PTPRR: variants seen among roughly 807,000 people sequenced by gnomAD.
PTPRR encodes receptor-type tyrosine-protein phosphatase R.
In PTPRR, 38 loss-of-function variants were observed where a neutral mutation model predicts 77.2. The observed-to-expected ratio is 0.49, with a 90% confidence interval of 0.38 to 0.65. PTPRR has a LOEUF of 0.65. Among genes scored for constraint, PTPRR ranks in the 30% least tolerant of loss-of-function variants. The pLI is 0.00. For missense variants in PTPRR, 744 were observed against 799.2 expected (o/e 0.93, Z 0.83); for synonymous variants, 299 against 283.1 (o/e 1.06, Z -0.57).
At chr12:70,755,437 T>A (rs1376776459) in intron 4 of PTPRR, among the ~76,000 whole-genome samples, 1 of 152,078 alleles carries the variant, frequency 6.6e-6, no homozygotes, top group Non-Finnish European at 1.5e-5. Context: ...AGACAAAAAA[T>A]TTACCTTGAA....
At chr12:70,763,923 A>C (rs940230712) in intron 3 of PTPRR, among the ~76,000 whole-genome samples, 4 of 152,058 alleles carry the variant, frequency 2.6e-5, no homozygotes, top group Non-Finnish European at 2.9e-5. Flanking sequence ...GTTCCCAAAC[A>C]CCGAGGAAAG....
chr12:70,704,061 G>C (rs1888525648), intron 6 of PTPRR, among the ~76,000 whole-genome samples: 1 of 152,096 alleles, frequency 6.6e-6, no homozygotes, highest in Non-Finnish European at 1.5e-5. Context: ...TTTTGAAATT[G>C]GGGAGCAGGC....
At chr12:70,729,440 T>G (rs1179301811) in intron 6 of PTPRR, among the ~76,000 whole-genome samples, 1 of 152,190 alleles carries the variant, frequency 6.6e-6, no homozygotes, top group African/African-American at 2.4e-5. Context: ...ATATTTTCCA[T>G]CTGGAAAGTC....
chr12:70,874,855 G>A (rs894728294), intron 2 of PTPRR, among the ~76,000 whole-genome samples: 3 of 147,762 alleles, frequency 2.0e-5, no homozygotes, highest in Non-Finnish European at 4.4e-5. Flanking sequence ...CCAGGAGGAG[G>A]AGGTTGCAGT....
chr12:70,877,946 C>T (rs555968444), intron 2 of PTPRR, among the ~76,000 whole-genome samples: 2 of 152,206 alleles, frequency 1.3e-5, no homozygotes, highest in South Asian at 4.1e-4. Flanking sequence ...AATAATGCTG[C>T]ATATCTACAA....
At position 70,818,170 on chromosome 12, in the gene PTPRR, A is replaced by C. The variant is rs915357823; in HGVS notation, c.358-53392T>G. Among the ~76,000 whole-genome samples, 3 of 147,260 alleles carry C rather than the reference A, an allele frequency of 2.0e-5. No homozygotes were observed. The Admixed American group carries it at 2.1e-4, about 10-fold the overall frequency. Reference sequence around the variant, plus strand: ...GGCAGTTCAAGCTCTTGAAATGCAGAGGTTGCAGTGAGCCAAGATCATGCC... The same window carrying C: ...GGCAGTTCAAGCTCTTGAAATGCAGCGGTTGCAGTGAGCCAAGATCATGCC... On this transcript the variant is annotated intron_variant, in intron 2 of 13. Coordinates refer to ENST00000283228, the MANE Select transcript of PTPRR (RefSeq NM_002849.4).
At chr12:70,905,162 G>C (rs1893602466) in intron 1 of PTPRR, among the ~76,000 whole-genome samples, 1 of 151,772 alleles carries the variant, frequency 6.6e-6, no homozygotes, top group South Asian at 2.1e-4. Context: ...ATTATAGGTA[G>C]AGGGGAGGGA....
At chr12:70,764,298 G>A (rs1890761173) in intron 3 of PTPRR, among the ~76,000 whole-genome samples, 1 of 152,152 alleles carries the variant, frequency 6.6e-6, no homozygotes, top group African/African-American at 2.4e-5. Context: ...CTCTAATGGA[G>A]AATATTTTCG....
chr12:70,688,126 A>C (rs1887934735), intron 8 of PTPRR, among the ~76,000 whole-genome samples: 1 of 152,124 alleles, frequency 6.6e-6, no homozygotes, highest in African/African-American at 2.4e-5. Flanking sequence ...TGTTGTATTC[A>C]TTTTTTAAGA....
At chr12:70,812,297 T>C (rs780375891) in intron 2 of PTPRR, among the ~76,000 whole-genome samples, 7 of 152,282 alleles carry the variant, frequency 4.6e-5, no homozygotes, top group Non-Finnish European at 8.8e-5. Context: ...AATGCATGAA[T>C]CATTAACATG....
intron 2 of PTPRR, among the ~76,000 whole-genome samples, chr12:70,786,233 G>A (rs1231751969): frequency 6.6e-6 from 1 of 152,154 alleles, no homozygotes; most frequent in East Asian, 1.9e-4. Flanking sequence ...TGAAAGGACA[G>A]AGACTTCTCA....
At chr12:70,730,872 T>C (rs879665264) in intron 6 of PTPRR, among the ~76,000 whole-genome samples, 1 of 78,294 alleles carries the variant, frequency 1.3e-5, no homozygotes, top group Non-Finnish European at 2.7e-5. Flanking sequence ...AGGAAGGAGA[T>C]AGAGAAAGAG....
At chr12:70,915,275 A>G (rs1893758886) in intron 1 of PTPRR, among the ~76,000 whole-genome samples, 1 of 152,218 alleles carries the variant, frequency 6.6e-6, no homozygotes, top group Non-Finnish European at 1.5e-5. Context: ...GGATGATAGG[A>G]TGAGGACGGA....
chr12:70,644,282 G>T (rs1566038616), intron 13 of PTPRR, among the ~76,000 whole-genome samples: 1 of 152,106 alleles, frequency 6.6e-6, no homozygotes, highest in East Asian at 1.9e-4. Context: ...TTCCCAGGAG[G>T]TATAATACAT....
chr12:70,699,971 T>G (rs1338917631), intron 7 of PTPRR, among the ~76,000 whole-genome samples: 1 of 152,152 alleles, frequency 6.6e-6, no homozygotes, highest in Non-Finnish European at 1.5e-5. Context: ...GGTAAGGTCT[T>G]ATTTCATAAA....
chr12:70,656,854 A>G (rs765094130), intron 12 of PTPRR, 37 bp from the exon 13 acceptor site: 2 of 1,356,296 alleles, frequency 1.5e-6, no homozygotes, highest in Non-Finnish European at 2.1e-6. Context: ...AAAGTGGGGG[A>G]AAATGACAAA....
chr12:70,823,887 A>G (rs563933393), intron 2 of PTPRR, among the ~76,000 whole-genome samples: 17 of 152,124 alleles, frequency 1.1e-4, no homozygotes, highest in Non-Finnish European at 2.1e-4. Flanking sequence ...TGTGGGCCCT[A>G]CTTCAACTGT....
At chr12:70,860,636 C>T (rs1892736800) in intron 2 of PTPRR, among the ~76,000 whole-genome samples, 1 of 152,146 alleles carries the variant, frequency 6.6e-6, no homozygotes, top group Admixed American at 6.5e-5. Flanking sequence ...CAACCAGCAA[C>T]ATTCTGAGAC....
chr12:70,756,997 G>A (rs1358373582), intron 4 of PTPRR, among the ~76,000 whole-genome samples: 5 of 152,096 alleles, frequency 3.3e-5, no homozygotes, highest in African/African-American at 1.2e-4. Flanking sequence ...TGGCTTTGTT[G>A]GATAAATGCC....
Sources: allele counts gnomAD v4.1 joint callset (sites outside exome capture counted in the v4.1 genomes callset), GRCh38; gene constraint gnomAD v4.1.1; transcripts MANE v1.5; gene names NCBI Gene and HGNC (gene_info 2026-07-23, HGNC 2026-07-21).